The following CSMD1 variants were observed in gnomAD, a reference collection of about 807,000 sequenced individuals.
CSMD1 encodes the protein CUB and Sushi multiple domains 1.
In CSMD1, 213 loss-of-function variants were observed where a neutral mutation model predicts 417.5. The ratio of observed to expected loss-of-function variants is 0.51; its 90% CI spans 0.46 to 0.57. CSMD1 has a LOEUF of 0.57. CSMD1 is among the 20% of genes least tolerant of loss of function. The pLI is 0.00. For synonymous variants in CSMD1, 2,862 were observed against 1,736.8 expected (o/e 1.65, Z -16.11); for missense variants, 6,923 against 4,529.7 (o/e 1.53, Z -15.17).
intron 5 of CSMD1, among the ~76,000 whole-genome samples, chr8:3,930,651 T>G (rs1584985402): frequency 6.7e-6 from 1 of 150,210 alleles, no homozygotes; most frequent in African/African-American, 2.5e-5. Flanking sequence ...CTGTCTCCTT[T>G]GTTCGGTGTA....
chr8:4,900,180 C>G (rs151080476), intron 1 of CSMD1, among the ~76,000 whole-genome samples: 91 of 152,212 alleles, frequency 6.0e-4, no homozygotes, highest in African/African-American at 2.1e-3. Flanking sequence ...CATTCAAGTC[C>G]CAAAGTGACA....
At chr8:4,776,788 T>C (rs1371530361) in intron 1 of CSMD1, among the ~76,000 whole-genome samples, 7 of 152,126 alleles carry the variant, frequency 4.6e-5, no homozygotes, top group Admixed American at 4.6e-4. Flanking sequence ...ACAAGGAATA[T>C]TATATTAGAG....
intron 1 of CSMD1, among the ~76,000 whole-genome samples, chr8:4,749,211 A>G (rs1188084487): frequency 6.6e-6 from 1 of 152,246 alleles, no homozygotes; most frequent in East Asian, 1.9e-4. Context: ...AACAAATCTG[A>G]AAACTTTTTC....
chr8:4,436,593 C>T (rs900892113), intron 2 of CSMD1, among the ~76,000 whole-genome samples: 1 of 152,142 alleles, frequency 6.6e-6, no homozygotes, highest in African/African-American at 2.4e-5. Flanking sequence ...TATATCCATC[C>T]TGCTGTGCAA....
intron 65 of CSMD1, among the ~76,000 whole-genome samples, chr8:2,951,778 T>C (rs956719237): frequency 1.3e-5 from 2 of 152,190 alleles, no homozygotes; most frequent in African/African-American, 4.8e-5. Context: ...AGTGGACTTA[T>C]GAAGACAAAG....
chr8:3,907,469 G>A (rs1184377317), intron 5 of CSMD1, among the ~76,000 whole-genome samples: 6 of 152,118 alleles, frequency 3.9e-5, no homozygotes, highest in Non-Finnish European at 7.4e-5. Flanking sequence ...CTTTAAGGCA[G>A]TATGGTAAAA....
intron 27 of CSMD1, among the ~76,000 whole-genome samples, chr8:3,226,337 C>G (rs1218535250): frequency 6.6e-6 from 1 of 152,146 alleles, no homozygotes; most frequent in Non-Finnish European, 1.5e-5. Flanking sequence ...AATCCCAGCA[C>G]TTTGGGAGGC....
At chr8:3,941,934 C>T (rs1810912521) in intron 5 of CSMD1, among the ~76,000 whole-genome samples, 1 of 152,140 alleles carries the variant, frequency 6.6e-6, no homozygotes, top group African/African-American at 2.4e-5. Context: ...AGTGGGCCAG[C>T]TAGCAAATCC....
rs551040758 is a variant in CSMD1, at chr8:3,440,283, T to C, written c.1561+28429A>G. Among the ~76,000 whole-genome samples the C allele has an allele frequency of 2.8e-4, 42 of 152,336 alleles. 1 individual carries two copies. Among genetic ancestry groups the C allele is most frequent in the Middle Eastern group, 3.4e-3 (1 of 294 alleles). ...CTCTGAGTGTCCCAATACATGAACATACTATATCTCTCTACTTATTTTGAT... is the reference window on the plus strand; with the variant it reads ...CTCTGAGTGTCCCAATACATGAACACACTATATCTCTCTACTTATTTTGAT... On this transcript the variant is annotated intron_variant, in intron 12 of 69. Coordinates refer to ENST00000635120, the MANE Select transcript of CSMD1 (RefSeq NM_033225.6).
intron 5 of CSMD1, among the ~76,000 whole-genome samples, chr8:3,919,657 C>G (rs1184435208): frequency 6.6e-6 from 1 of 151,710 alleles, no homozygotes; most frequent in African/African-American, 2.4e-5. Context: ...ACTTTTTTTT[C>G]TATTTCTGTA....
intron 27 of CSMD1, among the ~76,000 whole-genome samples, chr8:3,227,374 G>C (rs576304768): frequency 3.3e-5 from 5 of 151,958 alleles, no homozygotes; most frequent in African/African-American, 4.8e-5. Context: ...CTCCAGCCTC[G>C]GCAACTGAGT....
intron 25 of CSMD1, among the ~76,000 whole-genome samples, chr8:3,296,700 C>T (rs1182496692): frequency 6.6e-6 from 1 of 152,134 alleles, no homozygotes; most frequent in East Asian, 1.9e-4. Context: ...GGAGAGAAAA[C>T]AGGCTTGGAA....
At chr8:3,634,495 T>C (rs1796936253) in intron 7 of CSMD1, among the ~76,000 whole-genome samples, 1 of 152,182 alleles carries the variant, frequency 6.6e-6, no homozygotes, top group Admixed American at 6.5e-5. Flanking sequence ...ACCGCAAGTT[T>C]GAACCTGCTG....
chr8:3,082,151 G>C (rs1814148050), intron 49 of CSMD1, among the ~76,000 whole-genome samples: 1 of 152,156 alleles, frequency 6.6e-6, no homozygotes. Context: ...ATTTCTGGAA[G>C]TCTTCATATC....
intron 3 of CSMD1, among the ~76,000 whole-genome samples, chr8:4,066,348 G>C (rs377171956): frequency 6.6e-6 from 1 of 152,264 alleles, no homozygotes; most frequent in South Asian, 2.1e-4. Context: ...TTCTGTCATT[G>C]TATGTGTGTA....
chr8:3,153,738 C>T (rs1303654442), intron 39 of CSMD1, among the ~76,000 whole-genome samples: 6 of 152,174 alleles, frequency 3.9e-5, no homozygotes, highest in Non-Finnish European at 7.3e-5. Context: ...ATCATCAACA[C>T]GGATGTCTGT....
chr8:4,105,754 G>C (rs920450305), intron 3 of CSMD1, among the ~76,000 whole-genome samples: 3 of 152,272 alleles, frequency 2.0e-5, no homozygotes, highest in East Asian at 1.9e-4. Context: ...GTAAACATAA[G>C]CTTATTTCTC....
chr8:3,605,900 G>C lies in CSMD1; in HGVS notation c.1097+10810C>G, dbSNP rs1044766036. On this transcript the variant is annotated intron_variant, in intron 8 of 69. Transcript: ENST00000635120. ...AATTGGTTTAGCAGACTATTAATGAGGTTATGTCCATATATCCCTAGAGAC... is the reference window on the plus strand; with the variant it reads ...AATTGGTTTAGCAGACTATTAATGACGTTATGTCCATATATCCCTAGAGAC... Among the ~76,000 whole-genome samples the C allele has an allele frequency of 7.2e-5, 11 of 152,140 alleles. 1 individual carries two copies. The highest frequency in any genetic ancestry group is 2.2e-4 in the African/African-American group (9 of 41,412).
chr8:4,374,411 C>G (rs11990908), intron 3 of CSMD1, among the ~76,000 whole-genome samples: 1 of 152,030 alleles, frequency 6.6e-6, no homozygotes, highest in East Asian at 1.9e-4. Context: ...GGGCTGAAGG[C>G]ACCTGAAAAA....
Sources: gnomAD v4.1 joint callset for allele counts (sites outside exome capture counted in the v4.1 genomes callset) on GRCh38, gnomAD v4.1.1 for gene constraint, MANE v1.5 for transcripts, NCBI Gene and HGNC (gene_info 2026-07-23, HGNC 2026-07-21) for gene names.